Variants in ACACA observed in about 807,000 individuals in gnomAD.
ACACA encodes acetyl-CoA carboxylase alpha.
Under a neutral mutation model 296.1 loss-of-function variants are expected in ACACA, and 103 were observed. That is an observed-to-expected ratio of 0.35 (90% CI 0.30 to 0.41). ACACA has a LOEUF of 0.41. ACACA is among the 10% of genes least tolerant of loss of function. The pLI is 1.00. For missense variants in ACACA, 1,554 were observed against 2,989.7 expected (o/e 0.52, Z 11.20); for synonymous variants, 953 against 1,038.6 (o/e 0.92, Z 1.58).
intron 29 of ACACA, among the ~76,000 whole-genome samples, chr17:37,214,584 C>T (rs1567825124): frequency 6.6e-6 from 1 of 152,156 alleles, no homozygotes; most frequent in Non-Finnish European, 1.5e-5. Flanking sequence ...CAAGAAGGGA[C>T]CTTGGGCTAC....
chr17:37,246,499 C>A (rs2080709189), intron 19 of ACACA, among the ~76,000 whole-genome samples: 1 of 152,022 alleles, frequency 6.6e-6, no homozygotes, highest in South Asian at 2.1e-4. Flanking sequence ...GTGGTACAAT[C>A]TCCATTCACT....
Position 37,192,558 on chromosome 17 carries a change from G to T in ACACA, c.4201-253C>A, listed in dbSNP as rs568525789. Among the ~76,000 whole-genome samples the T allele has an allele frequency of 2.6e-5, 4 of 152,210 alleles. No homozygotes were observed. The South Asian group carries it at 8.3e-4, about 32-fold the overall frequency. ...CATTTATGATTTTACAAGTGGTGATGATATACATGAAAAACAAACAAAAAA... is the reference window on the plus strand; with the variant it reads ...CATTTATGATTTTACAAGTGGTGATTATATACATGAAAAACAAACAAAAAA... On this transcript the variant is annotated intron_variant, in intron 36 of 55. Coordinates refer to ENST00000616317, the MANE Select transcript of ACACA (RefSeq NM_198834.3).
At chr17:37,202,379 C>A (rs557891702) in intron 33 of ACACA, among the ~76,000 whole-genome samples, 4 of 151,986 alleles carry the variant, frequency 2.6e-5, no homozygotes, top group African/African-American at 9.7e-5. Flanking sequence ...TATTACCCAG[C>A]GATTAGGCAT....
At chr17:37,381,920 C>T (rs750849884) in intron 1 of ACACA, among the ~76,000 whole-genome samples, 1 of 152,152 alleles carries the variant, frequency 6.6e-6, no homozygotes, top group Non-Finnish European at 1.5e-5. Context: ...AGCCACTGCA[C>T]CCGGCCATGT....
chr17:37,114,379 A>C (rs1316818273), intron 50 of ACACA, among the ~76,000 whole-genome samples: 1 of 151,654 alleles, frequency 6.6e-6, no homozygotes. Flanking sequence ...CAAAAACCAA[A>C]AAAATTAGCA....
intron 3 of ACACA, among the ~76,000 whole-genome samples, chr17:37,314,804 G>A (rs2047009677): frequency 6.6e-6 from 1 of 150,538 alleles, no homozygotes. Context: ...CCATGCCCGG[G>A]TAAGTTTTGT....
intron 42 of ACACA, among the ~76,000 whole-genome samples, chr17:37,160,850 G>A (rs1040844106): frequency 6.6e-6 from 1 of 152,186 alleles, no homozygotes; most frequent in Non-Finnish European, 1.5e-5. Flanking sequence ...ATAAACAGGT[G>A]AGTTCAACTC....
At chr17:37,378,279 A>G (rs1016001807) in intron 1 of ACACA, among the ~76,000 whole-genome samples, 6 of 152,244 alleles carry the variant, frequency 3.9e-5, no homozygotes, top group African/African-American at 1.4e-4. Context: ...CATGGGAACC[A>G]TGGCAGAAGA....
At chr17:37,369,907 C>T (rs1457063298) in intron 1 of ACACA, among the ~76,000 whole-genome samples, 1 of 151,736 alleles carries the variant, frequency 6.6e-6, no homozygotes, top group Non-Finnish European at 1.5e-5. Context: ...GGTTTCACCA[C>T]GTTGGCCAGG....
chr17:37,330,125 AAACT>A (rs2047805803), intron 3 of ACACA, 44 bp downstream of exon 3: 1 of 1,611,154 alleles, frequency 6.2e-7, no homozygotes. Context: ...ATAATCAGCA[AAACT>A]AACAAGACAG....
chr17:37,131,082 G>C (rs1043915646), intron 45 of ACACA, among the ~76,000 whole-genome samples: 6 of 151,872 alleles, frequency 4.0e-5, no homozygotes. Flanking sequence ...TTTGTGTGCT[G>C]GGTGCAGGGC....
chr17:37,091,081 T>C (rs184514979), intron 54 of ACACA, among the ~76,000 whole-genome samples: 1 of 152,184 alleles, frequency 6.6e-6, no homozygotes, highest in Admixed American at 6.5e-5. Context: ...AGGGAGCAGA[T>C]TAATTGTGGC....
intron 52 of ACACA, among the ~76,000 whole-genome samples, chr17:37,104,809 C>T (rs1333021411): frequency 1.3e-5 from 2 of 152,122 alleles, no homozygotes; most frequent in South Asian, 2.1e-4. Flanking sequence ...AATGTGGTGG[C>T]GCATGCCTTG....
At chr17:37,171,320 T>G (rs1274593813) in intron 41 of ACACA, among the ~76,000 whole-genome samples, 1 of 152,138 alleles carries the variant, frequency 6.6e-6, no homozygotes. Flanking sequence ...ATCATAAAGA[T>G]GAGAAAACTA....
At chr17:37,300,127 C>G (rs1417260654) in intron 3 of ACACA, among the ~76,000 whole-genome samples, 3 of 152,098 alleles carry the variant, frequency 2.0e-5, no homozygotes, top group African/African-American at 7.2e-5. Flanking sequence ...AAAACGGATA[C>G]AGAAAAGATT....
intron 14 of ACACA, among the ~76,000 whole-genome samples, chr17:37,256,602 C>T (rs1598329988): frequency 6.6e-6 from 1 of 152,104 alleles, no homozygotes; most frequent in East Asian, 1.9e-4. Context: ...CATGATGGTG[C>T]ACACCTGCAG....
In ACACA at chr17:37,249,471, C is replaced by T. The variant is rs184882834; in HGVS notation, c.2082-797G>A. On this transcript the variant is annotated intron_variant, in intron 16 of 55. Coordinates refer to ENST00000616317, the MANE Select transcript of ACACA (RefSeq NM_198834.3). ...TGGCTGCATCATTTTACATTCCCAT[C>T]AAGAGTGCACAAGTGTCCCAATTTC... Among the ~76,000 whole-genome samples, 18 of 152,274 alleles carry T rather than the reference C, an allele frequency of 1.2e-4. No homozygotes were observed. In the East Asian group the frequency reaches 3.5e-3, roughly 29 times the overall value.
intron 54 of ACACA, among the ~76,000 whole-genome samples, chr17:37,090,923 GAAAA>G (rs755698651): frequency 1.3e-4 from 18 of 139,496 alleles, no homozygotes; most frequent in African/African-American, 3.9e-4. Context: ...TTTCAGAATG[GAAAA>G]AAAAAAAACC....
At chr17:37,088,054 G>A (rs749400509) in intron 55 of ACACA, among the ~76,000 whole-genome samples, 9 of 152,160 alleles carry the variant, frequency 5.9e-5, no homozygotes, top group Non-Finnish European at 1.3e-4. Flanking sequence ...ACACGAGGAG[G>A]AGCAGATAAA....
Sources: gnomAD v4.1 joint callset for allele counts (sites outside exome capture counted in the v4.1 genomes callset) on GRCh38, gnomAD v4.1.1 for gene constraint, MANE v1.5 for transcripts, NCBI Gene and HGNC (gene_info 2026-07-23, HGNC 2026-07-21) for gene names.